The following PTPRN2 variants were observed in gnomAD, a reference collection of about 807,000 sequenced individuals.
The protein encoded by PTPRN2 is protein tyrosine phosphatase receptor type N2, also known as receptor-type tyrosine-protein phosphatase N2.
Under a neutral mutation model 118.8 loss-of-function variants are expected in PTPRN2, and 74 were observed. The ratio of observed to expected loss-of-function variants is 0.62; its 90% CI spans 0.52 to 0.76. The LOEUF (loss-of-function observed/expected upper bound fraction) is 0.76, where lower values mean the gene tolerates loss of function less well. Among genes scored for constraint, PTPRN2 ranks in the 30% least tolerant of loss-of-function variants. The probability of loss-of-function intolerance (pLI) is 0.00; values close to 1 mark genes in which losing one functional copy is unlikely to be tolerated. For missense variants in PTPRN2, 1,481 were observed against 1,394.4 expected, an observed-to-expected ratio of 1.06 and a Z score of -0.99; for synonymous variants, 641 against 608.0, an observed-to-expected ratio of 1.05 and a Z score of -0.80.
rs75260933 is a variant in PTPRN2 at position 158,153,864 on chromosome 7, G to A, written c.910+13067C>T. On this transcript the variant is annotated intron_variant, in intron 6 of 22. Coordinates refer to ENST00000389418, the MANE Select transcript of PTPRN2 (RefSeq NM_002847.5). ...GTGGTCGGGGGGACAGAGAGCAGCC[G>A]GCTGGTGGGGAGGAGGGGGCACCCT... Among the ~76,000 whole-genome samples the A allele has an allele frequency of 6.1e-3, 905 of 147,674 alleles. 16 individuals are homozygous for A. The highest frequency in any genetic ancestry group is 0.061 in the East Asian group (293 of 4,810).
chr7:158,564,266 AAAAG>A (rs1371748349), intron 1 of PTPRN2, among the ~76,000 whole-genome samples: 1 of 152,122 alleles, frequency 6.6e-6, no homozygotes, highest in Non-Finnish European at 1.5e-5. Flanking sequence ...ATGACAAAAA[AAAAG>A]GCAGCAATGA....
Position 158,152,201 on chromosome 7 carries a change from C to A in PTPRN2, c.911-13686G>T, listed in dbSNP as rs530346698. On this transcript the variant is annotated intron_variant, in intron 6 of 22. Transcript: ENST00000389418. The stretch of plus-strand genomic sequence containing the variant: ...AAAAAAAAAAAAAAAACCATGAATG[C>A]ACAGAATATGTGGTGGTGATTGATG... Among the ~76,000 whole-genome samples, 6 of 131,352 alleles carry A rather than the reference C, an allele frequency of 4.6e-5. No homozygotes were observed. In the East Asian group the frequency reaches 1.4e-3, roughly 30 times the overall value. 86.2% of individuals were successfully genotyped at this position (131,352 alleles called of 152,430 possible). A position where few individuals can be genotyped will look rare whatever the true frequency, so the allele number is the denominator to read the frequency against.
At chr7:158,583,203 ATT>A (rs1177092520) in intron 1 of PTPRN2, among the ~76,000 whole-genome samples, 2 of 152,226 alleles carry the variant, frequency 1.3e-5, no homozygotes, top group African/African-American at 4.8e-5. Flanking sequence ...GAATGCAGAA[ATT>A]ATTGTCACAT....
At chr7:158,041,337 G>A (rs1027953391) in intron 11 of PTPRN2, among the ~76,000 whole-genome samples, 4 of 152,124 alleles carry the variant, frequency 2.6e-5, no homozygotes, top group Non-Finnish European at 4.4e-5. Context: ...TAACAACATT[G>A]CAATAAAGAA....
chr7:157,856,483 C>T (rs1344626943), intron 12 of PTPRN2, among the ~76,000 whole-genome samples: 2 of 152,208 alleles, frequency 1.3e-5, no homozygotes, highest in African/African-American at 2.4e-5. Context: ...CCGGTGCCTC[C>T]GAGGCTCAGC....
intron 3 of PTPRN2, among the ~76,000 whole-genome samples, chr7:158,241,714 G>T (rs1249479235): frequency 6.6e-6 from 1 of 152,090 alleles, no homozygotes; most frequent in Non-Finnish European, 1.5e-5. Context: ...TATCCTACCT[G>T]AATCTTATGA....
intron 15 of PTPRN2, among the ~76,000 whole-genome samples, chr7:157,613,150 C>T (rs1394578186): frequency 6.6e-6 from 1 of 152,196 alleles, no homozygotes; most frequent in Non-Finnish European, 1.5e-5. Context: ...CCGCCTCAGC[C>T]GCAGAACCTC....
intron 11 of PTPRN2, among the ~76,000 whole-genome samples, chr7:157,920,734 T>G (rs1035879128): frequency 2.0e-5 from 3 of 152,142 alleles, no homozygotes; most frequent in Non-Finnish European, 4.4e-5. Flanking sequence ...ATGCAAAAAG[T>G]GAATCCAGAC....
At chr7:158,165,622 C>G (rs1822894031) in intron 6 of PTPRN2, among the ~76,000 whole-genome samples, 1 of 152,252 alleles carries the variant, frequency 6.6e-6, no homozygotes, top group East Asian at 1.9e-4. Context: ...CCCATTCAGC[C>G]TTCACTTAAG....
chr7:157,687,358 C>G (rs772242792), intron 12 of PTPRN2, among the ~76,000 whole-genome samples: 13 of 152,128 alleles, frequency 8.5e-5, no homozygotes, highest in Non-Finnish European at 1.5e-4. Flanking sequence ...AGATTTAGTC[C>G]TTTTCCAAGG....
intron 3 of PTPRN2, among the ~76,000 whole-genome samples, chr7:158,301,481 G>A (rs1045529904): frequency 3.9e-5 from 6 of 152,208 alleles, no homozygotes; most frequent in African/African-American, 1.4e-4. Context: ...AGAATGCTCT[G>A]TATTTATCAG....
At chr7:158,143,932 C>A (rs546853881) in intron 6 of PTPRN2, among the ~76,000 whole-genome samples, 1 of 152,062 alleles carries the variant, frequency 6.6e-6, no homozygotes, top group Non-Finnish European at 1.5e-5. Flanking sequence ...GAGTGGCCAC[C>A]GTCCCCCCCG....
rs112180739 is a variant in PTPRN2 at position 158,138,026 on chromosome 7, G to A, written c.1132+268C>T. Among the ~76,000 whole-genome samples the A allele has an allele frequency of 8.9e-3, 1,356 of 152,312 alleles. 24 individuals are homozygous for A. The highest frequency in any genetic ancestry group is 0.031 in the African/African-American group (1,273 of 41,572). ...AAACACAACACTTCCCATCACGCCT[G>A]TTTTCCTGACTCAGCCTCAGCATGG... On this transcript the variant is annotated intron_variant, in intron 7 of 22. Transcript: ENST00000389418.
rs115473639 is a variant in PTPRN2, at chr7:157,940,038, G to A, written c.1724-41301C>T. ...AGGGAGGACCTGAGTGGAGGAAGGC[G>A]TCGCTGCATGGGCAGTTGAGAGCAG... On this transcript the variant is annotated intron_variant, in intron 11 of 22. Transcript: ENST00000389418. Among the ~76,000 whole-genome samples the A allele has an allele frequency of 7.3e-3, 1,116 of 152,284 alleles. 15 individuals are homozygous for A. The highest frequency in any genetic ancestry group is 0.026 in the African/African-American group (1,061 of 41,542).
intron 11 of PTPRN2, among the ~76,000 whole-genome samples, chr7:158,071,532 GTGATGATGGAGGTGCTCC>G (rs1811663215): frequency 6.7e-5 from 8 of 119,876 alleles, no homozygotes; most frequent in Non-Finnish European, 1.4e-4. Flanking sequence ...GGAGATGCTC[GTGATGATGGAGGTGCTCC>G]TGGTGGTGGA....
intron 14 of PTPRN2, among the ~76,000 whole-genome samples, chr7:157,647,129 T>C (rs13230014): frequency 0.18 from 10,318 of 55,984 alleles, 790 homozygotes; most frequent in Non-Finnish European, 0.2. Flanking sequence ...GCACTGAACT[T>C]GGTGGGTCGG....
chr7:158,145,272 TCGCGAGAAGG>T, intron 6 of PTPRN2, among the ~76,000 whole-genome samples: 1 of 148,928 alleles, frequency 6.7e-6, no homozygotes, highest in Non-Finnish European at 1.5e-5. Context: ...CCTCACATCA[TCGCGAGAAGG>T]TTCCAGAATA....
chr7:158,135,370 C>T (rs191853340), intron 8 of PTPRN2, among the ~76,000 whole-genome samples: 1 of 152,056 alleles, frequency 6.6e-6, no homozygotes, highest in Admixed American at 6.6e-5. Flanking sequence ...AGGATGTAGC[C>T]GTTGACGTTA....
intron 17 of PTPRN2, 129 bp downstream of exon 17, chr7:157,595,109 G>T: frequency 1.2e-6 from 1 of 831,924 alleles, no homozygotes; most frequent in Non-Finnish European, 1.9e-6. Flanking sequence ...CTGAAATTCT[G>T]ATATAAGTAA....
Sources: gnomAD v4.1 joint callset for allele counts (sites outside exome capture counted in the v4.1 genomes callset) on GRCh38, gnomAD v4.1.1 for gene constraint, MANE v1.5 for transcripts, NCBI Gene and HGNC (gene_info 2026-07-23, HGNC 2026-07-21) for gene names.